The following AAK1 variants were observed in gnomAD, a reference collection of about 807,000 sequenced individuals.
AAK1 encodes the protein AP2 associated kinase 1, also known as AP2-associated protein kinase 1.
AAK1 carries 37 observed loss-of-function variants against 116.0 expected under a neutral mutation model. That is an observed-to-expected ratio of 0.32 (90% confidence interval 0.25 to 0.42). The LOEUF (loss-of-function observed/expected upper bound fraction) is 0.42, where lower values mean the gene tolerates loss of function less well. AAK1 is among the 10% of genes least tolerant of loss of function. The probability of loss-of-function intolerance (pLI) is 1.00; values close to 1 mark genes in which losing one functional copy is unlikely to be tolerated. For missense variants in AAK1, 919 were observed against 1,170.6 expected (o/e 0.79, Z 3.14); for synonymous variants, 458 against 439.9 (o/e 1.04, Z -0.51).
In AAK1 at chr2:69,465,941, G is replaced by A. The variant is rs1328790474; in HGVS notation, c.*9928C>T. On this transcript the variant is annotated 3_prime_UTR_variant, in exon 22 of 22. Transcript: ENST00000409085. The stretch of plus-strand genomic sequence containing the variant: ...TCTGTGCAGGCAGCTCCTGGGAGGT[G>A]CATTGGATAACTGTTAACTCCTCCA... 7.7e-7 allele frequency: 1 copy of A among 1,290,882 alleles called. No individual in the cohort carries two copies. Among genetic ancestry groups the A allele is most frequent in the Non-Finnish European group, 1.0e-6 (1 of 988,874 alleles). 80.0% of individuals were successfully genotyped at this position (1,290,882 alleles called of 1,614,324 possible). A position where few individuals can be genotyped will look rare whatever the true frequency, so the allele number is the denominator to read the frequency against.
intron 7 of AAK1, 72 bp downstream of exon 7, chr2:69,530,553 G>T: frequency 7.9e-7 from 1 of 1,271,774 alleles, no homozygotes; most frequent in Non-Finnish European, 1.1e-6. Flanking sequence ...ATAGCGCTGT[G>T]TGCATTAACC....
intron 17 of AAK1, among the ~76,000 whole-genome samples, chr2:69,483,785 C>T (rs1391395198): frequency 1.3e-5 from 2 of 152,206 alleles, no homozygotes; most frequent in Non-Finnish European, 2.9e-5. Context: ...AAATGGATTA[C>T]TCTTGATGTC....
intron 2 of AAK1, among the ~76,000 whole-genome samples, chr2:69,617,048 G>A (rs572103930): frequency 6.6e-6 from 1 of 152,250 alleles, no homozygotes; most frequent in Middle Eastern, 3.4e-3. Context: ...CTACAAGATA[G>A]AAGGATGTCC....
chr2:69,479,025 G>C lies in AAK1; in HGVS notation c.2606C>G (p.Ser869Cys), dbSNP rs771175410. 3.5e-5 allele frequency: 57 copies of C among 1,613,770 alleles called. No individual in the cohort carries two copies. The highest frequency in any genetic ancestry group is 4.4e-5 in the Non-Finnish European group (52 of 1,179,816). The change falls in exon 20 of 22, where the codon TCT becomes TGT. Residue 869 changes from serine to cysteine, a missense_variant. Ser to Cys is a moderately radical substitution (Grantham distance 112, BLOSUM62 -1). Around this residue, in one of 4 missense-constraint regions of AAK1, gnomAD observed 263 missense variants for 285.5 expected, o/e 0.92. Coordinates refer to ENST00000409085, the MANE Select transcript of AAK1 (RefSeq NM_014911.5). ...GTCAGTAGTAGGGTTAGAGAGCAGA[G>C]AGCAATCAAGCAGGGAATCTTCCCC... ...LTGEDSLLDCSLLSNPTTDLL... is the reference protein window; with the variant it reads ...LTGEDSLLDCCLLSNPTTDLL...
chr2:69,550,062 C>T (rs1397465050), intron 3 of AAK1, among the ~76,000 whole-genome samples: 2 of 152,112 alleles, frequency 1.3e-5, no homozygotes, highest in Non-Finnish European at 2.9e-5. Flanking sequence ...TATCAGAAAC[C>T]TTTATAACCA....
chr2:69,632,987 C>G (rs1366437419), intron 2 of AAK1, among the ~76,000 whole-genome samples: 3 of 151,808 alleles, frequency 2.0e-5, no homozygotes, highest in African/African-American at 7.3e-5. Context: ...GAGCCAAGAT[C>G]AGGCCACTGC....
chr2:69,545,051 A>T (rs902838031), intron 3 of AAK1, among the ~76,000 whole-genome samples: 3 of 152,208 alleles, frequency 2.0e-5, no homozygotes, highest in Non-Finnish European at 2.9e-5. Flanking sequence ...GCTATTTACA[A>T]AGTCTTGAAG....
At chr2:69,539,237 C>T (rs921297024) in intron 5 of AAK1, among the ~76,000 whole-genome samples, 16 of 152,168 alleles carry the variant, frequency 1.1e-4, no homozygotes, top group Non-Finnish European at 1.6e-4. Flanking sequence ...GAGCCAGAAG[C>T]CACAGGGGGA....
chr2:69,535,431 TAA>T (rs1670423022), intron 5 of AAK1, among the ~76,000 whole-genome samples: 1 of 152,150 alleles, frequency 6.6e-6, no homozygotes, highest in Admixed American at 6.5e-5. Context: ...GCTCTAGGGA[TAA>T]GGCTGTGAAC....
intron 2 of AAK1, among the ~76,000 whole-genome samples, chr2:69,565,576 G>A (rs1178452132): frequency 3.3e-5 from 5 of 152,284 alleles, no homozygotes; most frequent in South Asian, 2.1e-4. Context: ...TCAAGCTGCC[G>A]TCCCCTCCCT....
intron 17 of AAK1, among the ~76,000 whole-genome samples, chr2:69,484,981 T>A (rs921562059): frequency 2.6e-5 from 4 of 152,070 alleles, no homozygotes; most frequent in African/African-American, 9.7e-5. Flanking sequence ...AGTATACAAG[T>A]GTAATTATAT....
Position 69,472,618 on chromosome 2 carries a change from G to C in AAK1, c.*3251C>G, listed in dbSNP as rs1280280270. 1.0e-6 allele frequency: 1 copy of C among 985,094 alleles called. No individual in the cohort carries two copies. The highest frequency in any genetic ancestry group is 1.7e-5 in the African/African-American group (1 of 57,200). 61.0% of individuals were successfully genotyped at this position (985,094 alleles called of 1,614,324 possible). A position where few individuals can be genotyped will look rare whatever the true frequency, so the allele number is the denominator to read the frequency against. ...TTAAGCCTTATCTCCTCTGAGGTAT[G>C]TATTTTTGAAAACATTGGGACTCAT... is the stretch of plus-strand genomic sequence containing the variant. On this transcript the variant is annotated 3_prime_UTR_variant, in exon 22 of 22. Coordinates refer to ENST00000409085, the MANE Select transcript of AAK1 (RefSeq NM_014911.5).
rs1674705317 is a variant in AAK1, at chr2:69,472,269, T to C, written c.*3600A>G. The C allele has an allele frequency of 1.6e-6, 1 of 613,890 alleles. No homozygotes were observed. Among genetic ancestry groups the C allele is most frequent in the African/African-American group, 2.0e-5 (1 of 49,760 alleles). The allele number at this position is 613,890 out of a possible 1,614,324, so 38.0% of individuals were successfully genotyped here. A position where few individuals can be genotyped will look rare whatever the true frequency, so the allele number is the denominator to read the frequency against. Reference sequence around the variant, plus strand: ...CAGGGTTGAATTTGCTTTCTGGAAATGGCTAAATGTTACTCAGAACCAAGA... The same window carrying C: ...CAGGGTTGAATTTGCTTTCTGGAAACGGCTAAATGTTACTCAGAACCAAGA... On this transcript the variant is annotated 3_prime_UTR_variant, in exon 22 of 22. Coordinates refer to ENST00000409085, the MANE Select transcript of AAK1 (RefSeq NM_014911.5).
rs1039247933 is a variant in AAK1, at chr2:69,468,985, C to T, written c.*6884G>A. 2 of 985,384 alleles carry T rather than the reference C, an allele frequency of 2.0e-6. No homozygotes were observed. Among genetic ancestry groups the T allele is most frequent in the Non-Finnish European group, 2.4e-6 (2 of 829,912 alleles). The allele number at this position is 985,384 out of a possible 1,614,324, so 61.0% of individuals were successfully genotyped here. ...TTTGAATAATTTACAAAAACAGTCA[C>T]AAAAACACCAGAATATCAAGTTTGA... is the stretch of plus-strand genomic sequence containing the variant. On this transcript the variant is annotated 3_prime_UTR_variant, in exon 22 of 22. Coordinates refer to ENST00000409085, the MANE Select transcript of AAK1 (RefSeq NM_014911.5).
In AAK1 at chr2:69,480,844, GAGACAC is replaced by G; in HGVS notation, c.2569+10_2569+15del. The G allele has an allele frequency of 6.3e-7, 1 of 1,576,798 alleles. No homozygotes were observed. The highest frequency in any genetic ancestry group is 8.6e-7 in the Non-Finnish European group (1 of 1,160,854). ...ACACCGACCAGTCCCTGCAGCTGCAGAGACACCTGACTGACCTGTGCGATTCGAGGT... is the reference window on the plus strand; with the variant it reads ...ACACCGACCAGTCCCTGCAGCTGCAGCTGACTGACCTGTGCGATTCGAGGT... On this transcript the variant is annotated intron_variant, in intron 19 of 21. Coordinates refer to ENST00000409085, the MANE Select transcript of AAK1 (RefSeq NM_014911.5).
chr2:69,544,487 CGTT>C lies in AAK1; in HGVS notation c.337_339del (p.Asn113del). 6.2e-7 allele frequency: 1 copy of C among 1,613,838 alleles called. No homozygotes were observed. Among genetic ancestry groups the C allele is most frequent in the Middle Eastern group, 1.7e-4 (1 of 6,058 alleles). On this transcript the variant is annotated inframe_deletion, in exon 4 of 22. Transcript: ENST00000409085. Reference sequence around the variant, plus strand: ...ACTTCCCATACATCACCGCTACTCACGTTGTTGATACTAGAATCAATGTAACCC... The same window carrying C: ...ACTTCCCATACATCACCGCTACTCACGTTGATACTAGAATCAATGTAACCC...
intron 2 of AAK1, among the ~76,000 whole-genome samples, chr2:69,590,277 C>G (rs1672974619): frequency 6.6e-6 from 1 of 152,226 alleles, no homozygotes; most frequent in African/African-American, 2.4e-5. Flanking sequence ...CCCTAAACCA[C>G]CCACTTTTCG....
intron 5 of AAK1, among the ~76,000 whole-genome samples, chr2:69,535,735 C>G (rs564118791): frequency 6.6e-6 from 1 of 152,058 alleles, no homozygotes; most frequent in East Asian, 1.9e-4. Flanking sequence ...GTCTGAGGCA[C>G]AGAGGCAGGC....
Position 69,479,917 on chromosome 2 carries a change from G to A in AAK1, c.2570-856C>T, listed in dbSNP as rs977270786. On this transcript the variant is annotated intron_variant, in intron 19 of 21. Coordinates refer to ENST00000409085, the MANE Select transcript of AAK1 (RefSeq NM_014911.5). ...ATTACAGGCATGCGCTACCACAACC[G>A]GCTAATTTTGTATTTTTAGTGGAGA... 2.6e-5 allele frequency among the ~76,000 whole-genome samples: 4 copies of A among 152,064 alleles called. No individual in the cohort carries two copies. In the East Asian group the frequency reaches 5.8e-4, roughly 22 times the overall value.
Sources: gnomAD v4.1 joint callset for allele counts (sites outside exome capture counted in the v4.1 genomes callset) on GRCh38, gnomAD v4.1.1 for gene constraint, gnomAD v4.1.1 regional missense constraint, MANE v1.5 for transcripts, NCBI Gene and HGNC (gene_info 2026-07-23, HGNC 2026-07-21) for gene names.